PLD1: variants seen among roughly 807,000 people sequenced by gnomAD.
The protein encoded by PLD1 is phospholipase D1, also known as choline phosphatase 1.
A neutral mutation model predicts 137.1 loss-of-function variants in PLD1; 112 were observed. The observed-to-expected ratio is 0.82, with a 90% CI of 0.70 to 0.96. The LOEUF (loss-of-function observed/expected upper bound fraction) is 0.96, where lower values mean the gene tolerates loss of function less well. Among genes scored for constraint, PLD1 ranks in the 40% least tolerant of loss-of-function variants. The probability of loss-of-function intolerance (pLI) is 0.00; values close to 1 mark genes in which losing one functional copy is unlikely to be tolerated. For missense variants in PLD1, 1,321 were observed against 1,342.0 expected, an observed-to-expected ratio of 0.98 and a Z score of 0.24; for synonymous variants, 431 against 454.7, an observed-to-expected ratio of 0.95 and a Z score of 0.66.
intron 21 of PLD1, among the ~76,000 whole-genome samples, chr3:171,652,651 G>A (rs1736879651): frequency 6.6e-6 from 1 of 151,474 alleles, no homozygotes; most frequent in Non-Finnish European, 1.5e-5. Context: ...ACCCAGGCTG[G>A]AGTGCAGTGG....
rs527440335 is a variant in PLD1, at chr3:171,709,605, C to T, written c.1016G>A (p.Arg339Gln). The T allele has an allele frequency of 5.0e-6, 8 of 1,613,976 alleles. No homozygotes were observed. The highest frequency in any genetic ancestry group is 4.4e-5 in the South Asian group (4 of 91,074). ...TTGGATAGCAGCATATGACCCAAAT[C>T]GATGATCTTTGAGAAAGTTGGTGCC... ...KHGTNFLKDH[R>Q]FGSYAAIQEN... is the part of the protein sequence containing the mutation. Residue 339 changes from arginine to glutamine, a missense_variant, in exon 10 of 27, where the codon CGA becomes CAA. Physicochemically the swap from Arg to Gln is conservative, Grantham distance 43 (BLOSUM62 1). Transcript: ENST00000351298.
At chr3:171,617,738 A>G (rs564459856) in intron 24 of PLD1, among the ~76,000 whole-genome samples, 12 of 152,304 alleles carry the variant, frequency 7.9e-5, no homozygotes, top group African/African-American at 2.6e-4. Flanking sequence ...TGCACAAAAG[A>G]GATCTTCAGT....
At chr3:171,650,054 A>G (rs1736594029) in intron 21 of PLD1, among the ~76,000 whole-genome samples, 1 of 152,232 alleles carries the variant, frequency 6.6e-6, no homozygotes, top group Non-Finnish European at 1.5e-5. Flanking sequence ...CCACTCTGTG[A>G]CCGGAGAAAC....
chr3:171,699,953 C>A, intron 11 of PLD1, 127 bp from the exon 12 acceptor site: 2 of 709,772 alleles, frequency 2.8e-6, no homozygotes, highest in Admixed American at 2.2e-5. Context: ...GATGGGTAAT[C>A]CAAAGCTTTA....
Position 171,777,597 on chromosome 3 carries a change from C to T in PLD1, c.-32+32802G>A, listed in dbSNP as rs180694704. Among the ~76,000 whole-genome samples, 44 of 152,252 alleles carry T rather than the reference C, an allele frequency of 2.9e-4. No individual in the cohort carries two copies. The East Asian group carries it at 7.7e-3, about 27-fold the overall frequency. On this transcript the variant is annotated intron_variant, in intron 1 of 26. Transcript: ENST00000351298. Reference sequence around the variant, plus strand: ...CTCTCAATCTGCTTTCTCACAAGACCTCACTTTCCAGCCAAATTGGTTTAT... The same window carrying T: ...CTCTCAATCTGCTTTCTCACAAGACTTCACTTTCCAGCCAAATTGGTTTAT...
rs533963180 is a variant in PLD1, at chr3:171,606,509, G to A, written c.2883-1093C>T. ...GTGAGTATAGACAGAGAAGAGGACC[G>A]GGTGTATATCAACAGTAAGGGAGAG... On this transcript the variant is annotated intron_variant, in intron 25 of 26. Coordinates refer to ENST00000351298, the MANE Select transcript of PLD1 (RefSeq NM_002662.5). 1.1e-4 allele frequency among the ~76,000 whole-genome samples: 16 copies of A among 152,240 alleles called. No individual in the cohort carries two copies. In the South Asian group the frequency reaches 2.9e-3, roughly 28 times the overall value.
At chr3:171,618,721 TGTGTG>T (rs1167728775) in intron 24 of PLD1, among the ~76,000 whole-genome samples, 2 of 35,536 alleles carry the variant, frequency 5.6e-5, no homozygotes, top group Non-Finnish European at 1.2e-4. Flanking sequence ...AAAGTGTGTA[TGTGTG>T]TGTGTGTGTG....
intron 16 of PLD1, among the ~76,000 whole-genome samples, chr3:171,684,699 A>C (rs1322083422): frequency 6.6e-6 from 1 of 152,210 alleles, no homozygotes; most frequent in Non-Finnish European, 1.5e-5. Flanking sequence ...AGGCTCCAGC[A>C]ATTCTCCCAC....
At chr3:171,701,464 A>T (rs546054227) in intron 11 of PLD1, among the ~76,000 whole-genome samples, 12 of 152,226 alleles carry the variant, frequency 7.9e-5, no homozygotes, top group Non-Finnish European at 1.8e-4. Flanking sequence ...GGGCTCAAAG[A>T]GCTTCGGTAT....
At position 171,733,479 on chromosome 3, in the gene PLD1, G is replaced by T; in HGVS notation, c.571C>A (p.Leu191Ile). The part of the protein sequence containing the change: ...KQLEDYLTKI[L>I]KMPMYRNYHA... Reference sequence around the variant, plus strand: ...TAGTTTCTATACATGGGCATTTTTAGTATCTTTGTCAAGTAATCTTCCAGT... The same window carrying T: ...TAGTTTCTATACATGGGCATTTTTATTATCTTTGTCAAGTAATCTTCCAGT... Residue 191 changes from leucine (L) to isoleucine (I), a missense_variant, in exon 6 of 27, where the codon CTA becomes ATA. Coordinates refer to ENST00000351298, the MANE Select transcript of PLD1 (RefSeq NM_002662.5). 1 of 1,349,926 alleles carries T rather than the reference G, an allele frequency of 7.4e-7. No individual in the cohort carries two copies. The highest frequency in any genetic ancestry group is 1.1e-6 in the Non-Finnish European group (1 of 943,360). The allele number at this position is 1,349,926 out of a possible 1,614,324, so 83.6% of individuals were successfully genotyped here. A position where few individuals can be genotyped will look rare whatever the true frequency, so the allele number is the denominator to read the frequency against.
chr3:171,797,467 T>TCA (rs1723477955), intron 1 of PLD1, among the ~76,000 whole-genome samples: 1 of 152,142 alleles, frequency 6.6e-6, no homozygotes, highest in South Asian at 2.1e-4. Context: ...CCAGACCTAC[T>TCA]GAATCAGAAA....
At chr3:171,760,647 G>A (rs1024111474) in intron 1 of PLD1, among the ~76,000 whole-genome samples, 2 of 152,280 alleles carry the variant, frequency 1.3e-5, no homozygotes, top group South Asian at 2.1e-4. Flanking sequence ...GGCTCAAGGC[G>A]GAGTCCAGAG....
At chr3:171,747,416 G>T (rs1287608649) in intron 1 of PLD1, among the ~76,000 whole-genome samples, 1 of 151,904 alleles carries the variant, frequency 6.6e-6, no homozygotes, top group Non-Finnish European at 1.5e-5. Flanking sequence ...GGAAGCTATG[G>T]CCAGCCAGGA....
At position 171,674,583 on chromosome 3, in the gene PLD1, A is replaced by G. The variant is rs764435107; in HGVS notation, c.2146T>C (p.Tyr716His). The G allele has an allele frequency of 6.2e-6, 10 of 1,601,016 alleles. No homozygotes were observed. The Admixed American group carries it at 1.2e-4, about 19-fold the overall frequency. Reference sequence around the variant, plus strand: ...TGAGACTTTGGAAGCAGAAAAGGATAAGAAAGGGACCGATATTTTGATTTC... The same window carrying G: ...TGAGACTTTGGAAGCAGAAAAGGATGAGAAAGGGACCGATATTTTGATTTC... ...IMKSKYRSLS[Y>H]PFLLPKSQTT... Residue 716 changes from tyrosine to histidine, a missense_variant, in exon 19 of 27, where the codon TAT becomes CAT. By Grantham distance (83) the Tyr-to-His change is moderately conservative. Coordinates refer to ENST00000351298, the MANE Select transcript of PLD1 (RefSeq NM_002662.5).
At chr3:171,629,067 A>G (rs2108324736) in intron 23 of PLD1, among the ~76,000 whole-genome samples, 1 of 150,742 alleles carries the variant, frequency 6.6e-6, no homozygotes, top group Non-Finnish European at 1.5e-5. Context: ...AGAGGAAGTC[A>G]AATTGTCCCT....
chr3:171,741,493 A>G (rs1380979906), intron 1 of PLD1, among the ~76,000 whole-genome samples: 1 of 152,232 alleles, frequency 6.6e-6, no homozygotes, highest in African/African-American at 2.4e-5. Flanking sequence ...GGCACAGCCT[A>G]TATTAGCCAG....
intron 23 of PLD1, among the ~76,000 whole-genome samples, chr3:171,623,057 G>T (rs1244016318): frequency 6.6e-6 from 1 of 151,922 alleles, no homozygotes; most frequent in Non-Finnish European, 1.5e-5. Flanking sequence ...TGGAAAGATT[G>T]CTCTTGTTCT....
At chr3:171,692,776 C>T (rs1360472297) in intron 12 of PLD1, among the ~76,000 whole-genome samples, 1 of 152,130 alleles carries the variant, frequency 6.6e-6, no homozygotes, top group Non-Finnish European at 1.5e-5. Context: ...CCGCCTCAGC[C>T]GCTCAAAGTG....
At chr3:171,764,382 A>G (rs956305916) in intron 1 of PLD1, among the ~76,000 whole-genome samples, 2 of 152,218 alleles carry the variant, frequency 1.3e-5, no homozygotes, top group Non-Finnish European at 2.9e-5. Flanking sequence ...TTTAATTCTT[A>G]CAAGAACCCT....
Sources: gnomAD v4.1 joint callset for allele counts (sites outside exome capture counted in the v4.1 genomes callset) on GRCh38, gnomAD v4.1.1 for gene constraint, MANE v1.5 for transcripts, NCBI Gene and HGNC (gene_info 2026-07-23, HGNC 2026-07-21) for gene names.